XPNPEP3: variants seen among roughly 807,000 people sequenced by gnomAD.
XPNPEP3 encodes the protein X-prolyl aminopeptidase 3.
Under a neutral mutation model 60.0 loss-of-function variants are expected in XPNPEP3, and 41 were observed. That is an observed-to-expected ratio of 0.68 (90% CI 0.53 to 0.89). The LOEUF (loss-of-function observed/expected upper bound fraction) is 0.89. Among genes scored for constraint, XPNPEP3 ranks in the 40% least tolerant of loss-of-function variants. XPNPEP3 has a pLI of 0.00. For missense variants in XPNPEP3, 598 were observed against 638.9 expected (o/e 0.94, Z 0.69); for synonymous variants, 212 against 223.2 (o/e 0.95, Z 0.45).
intron 3 of XPNPEP3, 81 bp from the exon 4 acceptor site, chr22:40,886,232 T>C: frequency 2.1e-6 from 3 of 1,430,576 alleles, no homozygotes; most frequent in Non-Finnish European, 2.9e-6. Flanking sequence ...TTTTGACTCT[T>C]GTTCAAGTCG....
chr22:40,869,377 G>A (rs1301574537), intron 2 of XPNPEP3, among the ~76,000 whole-genome samples: 1 of 152,028 alleles, frequency 6.6e-6, no homozygotes, highest in African/African-American at 2.4e-5. Context: ...TCTAGAACAA[G>A]GTTTAAATAT....
In XPNPEP3 at chr22:40,932,512, C is replaced by G. The variant is rs2058258311; in HGVS notation, c.*6077C>G. 2 of 152,086 alleles carry G rather than the reference C, an allele frequency of 1.3e-5. No individual in the cohort carries two copies. The highest frequency in any genetic ancestry group is 2.9e-5 in the Non-Finnish European group (2 of 68,022). The allele number at this position is 152,086 out of a possible 1,614,324, so 9.4% of individuals were successfully genotyped here. A position where few individuals can be genotyped will look rare whatever the true frequency, so the allele number is the denominator to read the frequency against. ...TTCACTGTTACAAACCACATGGGTT[C>G]TCCTGGTTGTGCTGCTGTTCTCTAC... On this transcript the variant is annotated 3_prime_UTR_variant, in exon 10 of 10. Coordinates refer to ENST00000357137, the MANE Select transcript of XPNPEP3 (RefSeq NM_022098.4).
At chr22:40,905,178 C>G (rs1401660041) in intron 4 of XPNPEP3, among the ~76,000 whole-genome samples, 2 of 151,794 alleles carry the variant, frequency 1.3e-5, no homozygotes, top group Non-Finnish European at 2.9e-5. Flanking sequence ...CTCCCAGGTT[C>G]AAGCAATTCT....
chr22:40,869,928 C>T (rs1601491574), intron 2 of XPNPEP3: 1 of 417,228 alleles, frequency 2.4e-6, no homozygotes, highest in East Asian at 7.5e-5. Flanking sequence ...GCCATATAAG[C>T]ATATATATTA....
chr22:40,886,185 C>A, intron 3 of XPNPEP3, 128 bp from the exon 4 acceptor site: 1 of 903,992 alleles, frequency 1.1e-6, no homozygotes. Context: ...AGTCTTAAGT[C>A]TCAACACTTT....
At chr22:40,884,504 G>GT (rs550575062) in intron 3 of XPNPEP3, among the ~76,000 whole-genome samples, 1,942 of 148,352 alleles carry the variant, frequency 0.013, 45 homozygotes, top group African/African-American at 0.045. Flanking sequence ...GAATTTTTCT[G>GT]TTTTTTTTTA....
intron 2 of XPNPEP3, among the ~76,000 whole-genome samples, chr22:40,881,009 CA>C (rs1294863755): frequency 6.6e-6 from 1 of 151,768 alleles, no homozygotes; most frequent in East Asian, 1.9e-4. Context: ...GATGGTTGCA[CA>C]ATTATGTGAC....
chr22:40,896,617 G>A (rs1313419398), intron 4 of XPNPEP3, among the ~76,000 whole-genome samples: 2 of 151,102 alleles, frequency 1.3e-5, no homozygotes, highest in East Asian at 1.9e-4. Context: ...CTAGGCAACC[G>A]AGAGAGACTC....
intron 4 of XPNPEP3, among the ~76,000 whole-genome samples, chr22:40,893,132 GTATATTA>G (rs2058094759): frequency 6.9e-6 from 1 of 145,808 alleles, no homozygotes; most frequent in Non-Finnish European, 1.5e-5. Flanking sequence ...ATTATATATT[GTATATTA>G]TATATTTATA....
chr22:40,871,532 C>T (rs911724012), intron 2 of XPNPEP3, among the ~76,000 whole-genome samples: 1 of 152,130 alleles, frequency 6.6e-6, no homozygotes, highest in Non-Finnish European at 1.5e-5. Context: ...TACGCAAGTT[C>T]TATACATACA....
intron 2 of XPNPEP3, 34 bp downstream of exon 2, chr22:40,869,149 A>G: frequency 2.6e-6 from 4 of 1,558,884 alleles, no homozygotes; most frequent in Non-Finnish European, 3.5e-6. Flanking sequence ...CTCCCCATTT[A>G]GGTTCTGTCT....
chr22:40,909,246 T>C lies in XPNPEP3; in HGVS notation c.969+11T>C. The C allele has an allele frequency of 1.2e-6, 2 of 1,604,276 alleles. No homozygotes were observed. Among genetic ancestry groups the C allele is most frequent in the African/African-American group, 2.7e-5 (2 of 74,882 alleles). On this transcript the variant is annotated intron_variant, in intron 6 of 9. Transcript: ENST00000357137. ...AATCAACTCATCAAGGTACGTGAGA[T>C]GCCCTCAGTGCTACTCCCACTAGGT... is the stretch of plus-strand genomic sequence containing the variant.
intron 4 of XPNPEP3, among the ~76,000 whole-genome samples, chr22:40,892,715 A>C (rs2058092705): frequency 6.6e-6 from 1 of 152,182 alleles, no homozygotes; most frequent in South Asian, 2.1e-4. Context: ...TGAGTCCCCC[A>C]GGCTTACGTC....
chr22:40,875,841 C>T (rs1036608504), intron 2 of XPNPEP3, among the ~76,000 whole-genome samples: 1 of 148,610 alleles, frequency 6.7e-6, no homozygotes, highest in Non-Finnish European at 1.5e-5. Flanking sequence ...TAGCAAACTC[C>T]ACCTCTACTA....
At chr22:40,864,856 G>A (rs1281785643) in intron 1 of XPNPEP3, among the ~76,000 whole-genome samples, 1 of 152,132 alleles carries the variant, frequency 6.6e-6, no homozygotes, top group Non-Finnish European at 1.5e-5. Flanking sequence ...AACTTACTGG[G>A]AATGTAGCCC....
chr22:40,863,787 C>G lies in XPNPEP3; in HGVS notation c.65-5212C>G, dbSNP rs139782108. Among the ~76,000 whole-genome samples, 3 of 152,312 alleles carry G rather than the reference C, an allele frequency of 2.0e-5. No homozygotes were observed. The East Asian group carries it at 5.8e-4, about 29-fold the overall frequency. ...TAAATATTTTATGCCCATAAGAAAA[C>G]AGACGTTCTGAGAGAGAAAGTAATT... On this transcript the variant is annotated intron_variant, in intron 1 of 9. Transcript: ENST00000357137.
chr22:40,882,730 C>G (rs2058053270), intron 3 of XPNPEP3, among the ~76,000 whole-genome samples: 1 of 151,780 alleles, frequency 6.6e-6, no homozygotes, highest in Non-Finnish European at 1.5e-5. Flanking sequence ...GGCGACAGAG[C>G]AAGACTCCAT....
intron 5 of XPNPEP3, among the ~76,000 whole-genome samples, chr22:40,908,438 A>G (rs927733541): frequency 1.3e-5 from 2 of 151,988 alleles, no homozygotes; most frequent in African/African-American, 4.8e-5. Context: ...GGATGGCTTG[A>G]GCCTGGAAGG....
intron 4 of XPNPEP3, among the ~76,000 whole-genome samples, chr22:40,898,415 G>A (rs1273161860): frequency 5.1e-5 from 7 of 138,448 alleles, no homozygotes; most frequent in East Asian, 2.0e-4. Flanking sequence ...CACCGCGCCC[G>A]GCTAATTTTT....
Sources: allele counts gnomAD v4.1 joint callset (sites outside exome capture counted in the v4.1 genomes callset), GRCh38; gene constraint gnomAD v4.1.1; transcripts MANE v1.5; gene names NCBI Gene and HGNC (gene_info 2026-07-23, HGNC 2026-07-21).